The following THSD7A variants were observed in gnomAD, a reference collection of about 807,000 sequenced individuals.
The protein encoded by THSD7A is thrombospondin type-1 domain-containing protein 7A.
THSD7A carries 96 observed loss-of-function variants against 231.3 expected under a neutral mutation model. The observed-to-expected ratio is 0.41, with a 90% confidence interval of 0.35 to 0.49. The LOEUF (loss-of-function observed/expected upper bound fraction) is 0.49. THSD7A is among the 20% of genes least tolerant of loss of function. The pLI is 0.05. For synonymous variants in THSD7A, 940 were observed against 743.3 expected (o/e 1.26, Z -4.30); for missense variants, 2,290 against 2,070.2 (o/e 1.11, Z -2.06).
At chr7:11,646,938 G>A (rs930263501) in intron 1 of THSD7A, among the ~76,000 whole-genome samples, 2 of 152,022 alleles carry the variant, frequency 1.3e-5, no homozygotes, top group Non-Finnish European at 2.9e-5. Flanking sequence ...GCAAGCATAT[G>A]TAATAAAATT....
At chr7:11,594,352 C>T (rs1224780963) in intron 2 of THSD7A, among the ~76,000 whole-genome samples, 1 of 152,064 alleles carries the variant, frequency 6.6e-6, no homozygotes, top group African/African-American at 2.4e-5. Flanking sequence ...ATTTTGGTAC[C>T]AGGAGTGGTT....
chr7:11,829,143 T>A (rs1785114510), intron 1 of THSD7A, among the ~76,000 whole-genome samples: 1 of 152,132 alleles, frequency 6.6e-6, no homozygotes, highest in Non-Finnish European at 1.5e-5. Context: ...AGGCTTCTGA[T>A]CAATAGTTGG....
chr7:11,572,622 C>T (rs964186644), intron 4 of THSD7A, among the ~76,000 whole-genome samples: 20 of 152,130 alleles, frequency 1.3e-4, no homozygotes, highest in African/African-American at 4.8e-4. Context: ...ATCCTCCCAC[C>T]TCAGCCTCCT....
At chr7:11,379,818 C>G in intron 24 of THSD7A, 106 bp from the exon 25 acceptor site, 1 of 1,265,060 alleles carries the variant, frequency 7.9e-7, no homozygotes, top group South Asian at 1.3e-5. Context: ...TTGGGAATCC[C>G]AGGAATTTTT....
chr7:11,424,577 C>A, intron 16 of THSD7A, 119 bp downstream of exon 16: 1 of 1,434,428 alleles, frequency 7.0e-7, no homozygotes, highest in Non-Finnish European at 9.4e-7. Context: ...TCCCTAAAAG[C>A]AAAACTGCAG....
At chr7:11,507,829 A>G (rs1179919670) in intron 6 of THSD7A, among the ~76,000 whole-genome samples, 1 of 152,180 alleles carries the variant, frequency 6.6e-6, no homozygotes, top group Non-Finnish European at 1.5e-5. Context: ...CATCTGATAA[A>G]AGCTTAACAT....
chr7:11,444,976 C>G lies in THSD7A; in HGVS notation c.3064+1085G>C, dbSNP rs1404569557. Reference sequence around the variant, plus strand: ...ATATGTATATATATATTAAATGAAACTTCTTTGTAGTGAGATGTTTAAGAG... The same window carrying G: ...ATATGTATATATATATTAAATGAAAGTTCTTTGTAGTGAGATGTTTAAGAG... On this transcript the variant is annotated intron_variant, in intron 13 of 27. Transcript: ENST00000423059. The surrounding 1 kb of genome is among the most constrained non-coding windows in gnomAD (Gnocchi z 4.2). Among the ~76,000 whole-genome samples the G allele has an allele frequency of 6.7e-6, 1 of 148,620 alleles. No individual in the cohort carries two copies. Among genetic ancestry groups the G allele is most frequent in the Non-Finnish European group, 1.5e-5 (1 of 67,346 alleles).
intron 1 of THSD7A, among the ~76,000 whole-genome samples, chr7:11,774,838 T>C (rs140732225): frequency 0.026 from 3,954 of 152,262 alleles, 173 homozygotes; most frequent in African/African-American, 0.09. Flanking sequence ...ACAAATCACC[T>C]GAGGACGGGA....
At chr7:11,534,463 G>C (rs1788832981) in intron 6 of THSD7A, among the ~76,000 whole-genome samples, 1 of 152,076 alleles carries the variant, frequency 6.6e-6, no homozygotes, top group African/African-American at 2.4e-5. Context: ...TGTACCAATG[G>C]GGTACCAATG....
chr7:11,699,096 A>G (rs563595418), intron 1 of THSD7A, among the ~76,000 whole-genome samples: 1 of 150,774 alleles, frequency 6.6e-6, no homozygotes, highest in Non-Finnish European at 1.5e-5. Context: ...TAAATGAACC[A>G]CCCTCATACA....
In THSD7A at chr7:11,407,427, G is replaced by T. The variant is rs749862195; in HGVS notation, c.3799-4C>A. The T allele has an allele frequency of 6.2e-7, 1 of 1,607,660 alleles. No individual in the cohort carries two copies. The highest frequency in any genetic ancestry group is 8.5e-7 in the Non-Finnish European group (1 of 1,175,732). The stretch of plus-strand genomic sequence containing the variant: ...GCCAGTTCTTCTCCAAGCCAAGCTG[G>T]AAGAACAGAGGTAGATCAGGATGTA... On this transcript the variant is annotated splice_region_variant and splice_polypyrimidine_tract_variant and intron_variant, in intron 19 of 27. Coordinates refer to ENST00000423059, the MANE Select transcript of THSD7A (RefSeq NM_015204.3).
chr7:11,606,685 C>A (rs1001004586), intron 2 of THSD7A, among the ~76,000 whole-genome samples: 1 of 151,846 alleles, frequency 6.6e-6, no homozygotes, highest in East Asian at 1.9e-4. Flanking sequence ...ATGATATTAC[C>A]TGACATCACT....
chr7:11,701,399 C>T (rs1487536206), intron 1 of THSD7A, among the ~76,000 whole-genome samples: 1 of 151,150 alleles, frequency 6.6e-6, no homozygotes, highest in African/African-American at 2.4e-5. Flanking sequence ...CTTCTTAGTT[C>T]TGCAATCCAC....
chr7:11,532,773 A>G (rs1031591961), intron 6 of THSD7A, among the ~76,000 whole-genome samples: 8 of 152,222 alleles, frequency 5.3e-5, no homozygotes, highest in African/African-American at 1.7e-4. Flanking sequence ...ATGCTATTGG[A>G]AGAGAAATAG....
intron 1 of THSD7A, among the ~76,000 whole-genome samples, chr7:11,805,887 G>A (rs1285740774): frequency 6.6e-6 from 1 of 151,996 alleles, no homozygotes; most frequent in Non-Finnish European, 1.5e-5. Context: ...TGTTTTGACT[G>A]TAACTAATGG....
At chr7:11,684,699 G>A (rs4721002) in intron 1 of THSD7A, among the ~76,000 whole-genome samples, 57,689 of 151,680 alleles carry the variant, frequency 0.38, 11,320 homozygotes, top group Admixed American at 0.5. Context: ...CTACAAGGGG[G>A]ACTACCAAAC....
intron 6 of THSD7A, among the ~76,000 whole-genome samples, chr7:11,505,232 A>C (rs1787495883): frequency 6.6e-6 from 1 of 152,212 alleles, no homozygotes; most frequent in South Asian, 2.1e-4. Context: ...AAAGAAAATA[A>C]TAGTTTAAGT....
intron 23 of THSD7A, among the ~76,000 whole-genome samples, chr7:11,392,888 G>T (rs761626994): frequency 4.6e-5 from 7 of 152,178 alleles, no homozygotes; most frequent in African/African-American, 7.2e-5. Context: ...CCCAGTCAGG[G>T]GCTTATAGAT....
chr7:11,690,125 T>G (rs1273502090), intron 1 of THSD7A, among the ~76,000 whole-genome samples: 1 of 151,808 alleles, frequency 6.6e-6, no homozygotes, highest in Non-Finnish European at 1.5e-5. Context: ...ATAAATTGTT[T>G]GTCTATTGTA....
Sources: allele counts gnomAD v4.1 joint callset (sites outside exome capture counted in the v4.1 genomes callset), GRCh38; gene constraint gnomAD v4.1.1; non-coding constraint Gnocchi (gnomAD v3.1); transcripts MANE v1.5; gene names NCBI Gene and HGNC (gene_info 2026-07-23, HGNC 2026-07-21).